CCSER1: variants seen among roughly 807,000 people sequenced by gnomAD.
CCSER1 encodes the protein serine-rich coiled-coil domain-containing protein 1.
A neutral mutation model predicts 82.0 loss-of-function variants in CCSER1; 41 were observed. The observed-to-expected ratio is 0.50, with a 90% CI of 0.39 to 0.65. The LOEUF is 0.65. Among genes scored for constraint, CCSER1 ranks in the 30% least tolerant of loss-of-function variants. The probability of loss-of-function intolerance (pLI) is 0.00; values close to 1 mark genes in which losing one functional copy is unlikely to be tolerated. For synonymous variants in CCSER1, 414 were observed against 383.9 expected (o/e 1.08, Z -0.92); for missense variants, 1,119 against 1,064.2 (o/e 1.05, Z -0.72).
At chr4:90,301,720 A>G (rs114808580) in intron 1 of CCSER1, among the ~76,000 whole-genome samples, 4,382 of 152,208 alleles carry the variant, frequency 0.029, 164 homozygotes, top group African/African-American at 0.087. Flanking sequence ...TGACTTCTGA[A>G]TTGAGAAATA....
intron 8 of CCSER1, among the ~76,000 whole-genome samples, chr4:90,918,568 G>T (rs947043518): frequency 1.6e-5 from 2 of 122,040 alleles, no homozygotes; most frequent in Non-Finnish European, 3.3e-5. Context: ...TTGAGTATGC[G>T]CACGTGCAAA....
intron 10 of CCSER1, among the ~76,000 whole-genome samples, chr4:91,185,010 C>T (rs976641358): frequency 1.3e-5 from 2 of 152,186 alleles, no homozygotes; most frequent in African/African-American, 4.8e-5. Flanking sequence ...AGGGCCTTTA[C>T]CAACTCCAAC....
At chr4:91,198,637 AAAG>A (rs367556077) in intron 10 of CCSER1, among the ~76,000 whole-genome samples, 7 of 152,258 alleles carry the variant, frequency 4.6e-5, no homozygotes, top group African/African-American at 1.4e-4. Flanking sequence ...AGGGATGAAA[AAAG>A]AAAGTAGGGA....
chr4:90,187,088 A>T (rs961430639), intron 1 of CCSER1, among the ~76,000 whole-genome samples: 3 of 151,974 alleles, frequency 2.0e-5, no homozygotes, highest in Non-Finnish European at 4.4e-5. Flanking sequence ...TGCATTTTAA[A>T]AGGGCTTTTT....
At chr4:90,157,216 G>T (rs1402231974) in intron 1 of CCSER1, among the ~76,000 whole-genome samples, 1 of 152,130 alleles carries the variant, frequency 6.6e-6, no homozygotes, top group Non-Finnish European at 1.5e-5. Flanking sequence ...CTCTCTTCTG[G>T]CTTGTAGAGT....
At chr4:90,519,194 T>C (rs1772735340) in intron 5 of CCSER1, among the ~76,000 whole-genome samples, 1 of 151,888 alleles carries the variant, frequency 6.6e-6, no homozygotes, top group South Asian at 2.1e-4. Context: ...TTCTGCCTTC[T>C]ATGTGCCAGA....
chr4:91,384,586 A>G (rs1448651268), intron 10 of CCSER1, among the ~76,000 whole-genome samples: 1 of 152,034 alleles, frequency 6.6e-6, no homozygotes, highest in East Asian at 1.9e-4. Flanking sequence ...AATGGTTGAG[A>G]GAATTAAATG....
intron 4 of CCSER1, among the ~76,000 whole-genome samples, chr4:90,430,628 A>C (rs1407603380): frequency 1.3e-5 from 2 of 151,946 alleles, no homozygotes; most frequent in Non-Finnish European, 2.9e-5. Context: ...TCAAAAGTAT[A>C]ACAAAACTTT....
intron 8 of CCSER1, among the ~76,000 whole-genome samples, chr4:90,914,719 A>AAAT (rs1727027671): frequency 6.6e-6 from 1 of 151,758 alleles, no homozygotes; most frequent in Non-Finnish European, 1.5e-5. Context: ...TTTATTGAAA[A>AAAT]AAAAAAAAAA....
At chr4:91,440,012 A>G (rs1400824509) in intron 10 of CCSER1, among the ~76,000 whole-genome samples, 2 of 151,892 alleles carry the variant, frequency 1.3e-5, no homozygotes, top group East Asian at 3.9e-4. Context: ...ACGCAATAAT[A>G]ATGGGAGATT....
chr4:91,013,531 G>T (rs1454044742), intron 9 of CCSER1, among the ~76,000 whole-genome samples: 1 of 127,254 alleles, frequency 7.9e-6, no homozygotes, highest in Non-Finnish European at 1.8e-5. Context: ...TCTTTCTCAA[G>T]ACATATATAT....
intron 5 of CCSER1, among the ~76,000 whole-genome samples, chr4:90,487,542 TG>T (rs1168494123): frequency 6.6e-6 from 1 of 152,248 alleles, no homozygotes; most frequent in African/African-American, 2.4e-5. Flanking sequence ...CCCTTATGCA[TG>T]GGTGCGTTTG....
chr4:90,914,946 C>T (rs1727078170), intron 8 of CCSER1, among the ~76,000 whole-genome samples: 1 of 152,072 alleles, frequency 6.6e-6, no homozygotes, highest in East Asian at 1.9e-4. Context: ...ACACATACAG[C>T]CTCCCAAGAC....
chr4:90,337,437 A>G (rs1431453785), intron 3 of CCSER1, among the ~76,000 whole-genome samples: 2 of 152,184 alleles, frequency 1.3e-5, no homozygotes, highest in African/African-American at 4.8e-5. Context: ...AGCTGGGAGA[A>G]TGCATGTTTC....
At chr4:90,585,008 C>A (rs1034697532) in intron 5 of CCSER1, among the ~76,000 whole-genome samples, 2 of 152,066 alleles carry the variant, frequency 1.3e-5, no homozygotes, top group Non-Finnish European at 2.9e-5. Context: ...CCCGAGAGTG[C>A]TCAAAGAATG....
intron 9 of CCSER1, among the ~76,000 whole-genome samples, chr4:90,992,009 G>C (rs1055445883): frequency 6.6e-6 from 1 of 151,996 alleles, no homozygotes; most frequent in Non-Finnish European, 1.5e-5. Context: ...CCAGAGTATT[G>C]AATGTTCTCA....
At chr4:91,000,740 T>C (rs1315945640) in intron 9 of CCSER1, among the ~76,000 whole-genome samples, 4 of 152,108 alleles carry the variant, frequency 2.6e-5, no homozygotes, top group Non-Finnish European at 2.9e-5. Context: ...ATGTTATCAG[T>C]TTATAGAAAT....
chr4:91,438,671 G>A (rs1393973729), intron 10 of CCSER1, among the ~76,000 whole-genome samples: 1 of 152,252 alleles, frequency 6.6e-6, no homozygotes, highest in Admixed American at 6.5e-5. Context: ...GGCTTCAGAT[G>A]ATCAAACTAC....
chr4:90,324,788 G>T (rs1289126172), intron 3 of CCSER1, among the ~76,000 whole-genome samples: 2 of 152,136 alleles, frequency 1.3e-5, no homozygotes, highest in Non-Finnish European at 2.9e-5. Flanking sequence ...TTCTTCTAGG[G>T]TTTTTATGGT....
Sources: allele counts gnomAD v4.1 joint callset (sites outside exome capture counted in the v4.1 genomes callset), GRCh38; gene constraint gnomAD v4.1.1; transcripts MANE v1.5; gene names NCBI Gene and HGNC (gene_info 2026-07-23, HGNC 2026-07-21).